Variants in MCM10 observed in about 807,000 individuals in gnomAD.
The protein encoded by MCM10 is protein MCM10 homolog.
In MCM10, 91 loss-of-function variants were observed where a neutral mutation model predicts 109.9. The observed-to-expected ratio is 0.83, with a 90% CI of 0.70 to 0.99. The LOEUF is 0.99. Among genes scored for constraint, MCM10 ranks in the 50% least tolerant of loss-of-function variants. The pLI is 0.00. For missense variants in MCM10, 1,077 were observed against 1,061.2 expected (o/e 1.01, Z -0.21); for synonymous variants, 380 against 387.2 (o/e 0.98, Z 0.22).
rs550455956 is a variant in MCM10, at chr10:13,201,214, CTCGTT to C, written c.2239-204_2239-200del. Among the ~76,000 whole-genome samples, 19 of 152,268 alleles carry C rather than the reference CTCGTT, an allele frequency of 1.2e-4. No homozygotes were observed. In the South Asian group the frequency reaches 3.9e-3, roughly 32 times the overall value. ...TCCCTTTGTTTTTGCATATTAAGAG[CTCGTT>C]TCTATGCATCATCATCTTTTGCTTT... On this transcript the variant is annotated intron_variant, in intron 16 of 19. Transcript: ENST00000378714.
intron 15 of MCM10, among the ~76,000 whole-genome samples, chr10:13,198,014 G>C (rs575910967): frequency 6.6e-6 from 1 of 151,662 alleles, no homozygotes; most frequent in East Asian, 1.9e-4. Flanking sequence ...CTGGGTTCAA[G>C]CGATCCTCCT....
intron 8 of MCM10, among the ~76,000 whole-genome samples, chr10:13,184,933 C>T (rs990925298): frequency 2.0e-5 from 3 of 152,154 alleles, no homozygotes; most frequent in Non-Finnish European, 4.4e-5. Flanking sequence ...CTACTATTTC[C>T]AGATCTGGTA....
Position 13,204,261 on chromosome 10 carries a change from G to A in MCM10, c.2395G>A (p.Glu799Lys), listed in dbSNP as rs146712133. ...CAAGCTGCTGGAGACCTGCGTCAGT[G>A]AGCAGCATGAATACCACTGGCATGA... ...HFKLLETCVS[E>K]QHEYHWHDGV... Residue 799 changes from glutamate (E) to lysine (K), a missense_variant, in exon 18 of 20, where the codon GAG (glutamate) becomes AAG (lysine). Glu to Lys is a moderately conservative substitution (Grantham distance 56). Coordinates refer to ENST00000378714, the MANE Select transcript of MCM10 (RefSeq NM_018518.5). 30 of 1,614,184 alleles carry A rather than the reference G, an allele frequency of 1.9e-5. No homozygotes were observed. The highest frequency in any genetic ancestry group is 3.3e-4 in the Middle Eastern group (2 of 6,062).
chr10:13,195,361 C>A, intron 14 of MCM10, 92 bp downstream of exon 14: 2 of 922,942 alleles, frequency 2.2e-6, no homozygotes, highest in East Asian at 2.7e-5. Flanking sequence ...CTTTATTGAT[C>A]GTGATCATTA....
Position 13,194,182 on chromosome 10 carries a change from G to A in MCM10, c.1746-859G>A, listed in dbSNP as rs148719397. Reference sequence around the variant, plus strand: ...AGTTTGAGACCAACCTGAGCAAAATGGCGAAATCCTGTCTCTACAAACAGT... The same window carrying A: ...AGTTTGAGACCAACCTGAGCAAAATAGCGAAATCCTGTCTCTACAAACAGT... On this transcript the variant is annotated intron_variant, in intron 13 of 19. Coordinates refer to ENST00000378714, the MANE Select transcript of MCM10 (RefSeq NM_018518.5). Among the ~76,000 whole-genome samples, 446 of 152,230 alleles carry A rather than the reference G, an allele frequency of 2.9e-3. 1 individual carries two copies. The highest frequency in any genetic ancestry group is 0.01 in the African/African-American group (428 of 41,540).
intron 14 of MCM10, among the ~76,000 whole-genome samples, chr10:13,196,301 C>A (rs1292492981): frequency 6.6e-6 from 1 of 152,130 alleles, no homozygotes; most frequent in African/African-American, 2.4e-5. Flanking sequence ...GCACCCAGAG[C>A]CCCACCTGCC....
rs558880000 is a variant in MCM10, at chr10:13,200,027, C to A, written c.2238+1220C>A. Among the ~76,000 whole-genome samples the A allele has an allele frequency of 6.6e-5, 10 of 152,068 alleles. No individual in the cohort carries two copies. In the East Asian group the frequency reaches 1.9e-3, roughly 29 times the overall value. ...TTTGAGACAAGGTCTTTTTCTGTCC[C>A]CCATCAGGGCTCACTGCAGCCTCGA... On this transcript the variant is annotated intron_variant, in intron 16 of 19. Transcript: ENST00000378714.
chr10:13,195,972 T>C (rs1834415780), intron 14 of MCM10, among the ~76,000 whole-genome samples: 1 of 152,096 alleles, frequency 6.6e-6, no homozygotes, highest in South Asian at 2.1e-4. Context: ...GGTGCAATTA[T>C]GGTTCACTGC....
chr10:13,196,524 A>T (rs1053532088), intron 14 of MCM10, among the ~76,000 whole-genome samples: 14 of 151,780 alleles, frequency 9.2e-5, no homozygotes, highest in African/African-American at 2.9e-4. Context: ...TTATATATAT[A>T]TTTTTTGAGA....
In MCM10 at chr10:13,192,561, C is replaced by T. The variant is rs777801500; in HGVS notation, c.1738C>T (p.Gln580Ter). ...EMRRRKSEEI[Q>*]KRFLQSSSEV... is the part of the protein sequence containing the mutation. Reference sequence around the variant, plus strand: ...GAGGAGAAGGAAATCAGAAGAAATACAGAAGCGGTAAGAGGAGCAGATTTA... The same window carrying T: ...GAGGAGAAGGAAATCAGAAGAAATATAGAAGCGGTAAGAGGAGCAGATTTA... The change falls in exon 13 of 20, where the codon CAG (glutamine) becomes TAG (stop). Residue 580 changes from glutamine to a stop codon, truncating the protein, a stop_gained. Coordinates refer to ENST00000378714, the MANE Select transcript of MCM10 (RefSeq NM_018518.5). LOFTEE classifies it high-confidence loss of function. The T allele has an allele frequency of 6.2e-7, 1 of 1,613,966 alleles. No homozygotes were observed. Among genetic ancestry groups the T allele is most frequent in the Non-Finnish European group, 8.5e-7 (1 of 1,179,824 alleles).
intron 17 of MCM10, 68 bp downstream of exon 17, chr10:13,201,602 T>G: frequency 8.6e-7 from 1 of 1,157,566 alleles, no homozygotes; most frequent in Non-Finnish European, 1.3e-6. Flanking sequence ...CGGCAGCATG[T>G]GGAGAACCTG....
chr10:13,166,049 A>T (rs975677623), intron 2 of MCM10, among the ~76,000 whole-genome samples: 6 of 152,068 alleles, frequency 3.9e-5, no homozygotes, highest in Non-Finnish European at 1.5e-5. Flanking sequence ...GAGAAAGATA[A>T]CAAAACAATA....
At position 13,182,032 on chromosome 10, in the gene MCM10, G is replaced by A. The variant is rs993527695; in HGVS notation, c.931-901G>A. ...AGTGGAGGTTTTTCACATTATAATC[G>A]GTCAGCATTTTGAGCTGTATTTCTT... On this transcript the variant is annotated intron_variant, in intron 7 of 19. Coordinates refer to ENST00000378714, the MANE Select transcript of MCM10 (RefSeq NM_018518.5). The surrounding 1 kb of genome is among the most constrained non-coding windows in gnomAD (Gnocchi z 4.2). Among the ~76,000 whole-genome samples, 1 of 152,036 alleles carries A rather than the reference G, an allele frequency of 6.6e-6. No individual in the cohort carries two copies. The highest frequency in any genetic ancestry group is 1.5e-5 in the Non-Finnish European group (1 of 68,014).
chr10:13,185,039 G>A (rs1834256565), intron 8 of MCM10, among the ~76,000 whole-genome samples: 1 of 152,166 alleles, frequency 6.6e-6, no homozygotes, highest in Non-Finnish European at 1.5e-5. Context: ...CCTGCCTACA[G>A]GAGTATGCAT....
rs1834642757 is a variant in MCM10, at chr10:13,210,265, G to C, written c.*955G>C. The stretch of plus-strand genomic sequence containing the variant: ...AGATGGGGTTTTGCCATGTTGCTCA[G>C]GCTGGTCTCAAACTCCTGAGCACTA... On this transcript the variant is annotated 3_prime_UTR_variant, in exon 20 of 20. Coordinates refer to ENST00000378714, the MANE Select transcript of MCM10 (RefSeq NM_018518.5). 6.6e-6 allele frequency: 1 copy of C among 150,786 alleles called. No homozygotes were observed. Among genetic ancestry groups the C allele is most frequent in the Non-Finnish European group, 1.5e-5 (1 of 67,922 alleles). The allele number at this position is 150,786 out of a possible 1,614,324, so 9.3% of individuals were successfully genotyped here. A position where few individuals can be genotyped will look rare whatever the true frequency, so the allele number is the denominator to read the frequency against.
intron 2 of MCM10, among the ~76,000 whole-genome samples, chr10:13,166,653 C>CATATATATATAT (rs1355743693): frequency 5.9e-4 from 27 of 45,528 alleles, no homozygotes; most frequent in African/African-American, 1.8e-3. Flanking sequence ...AAAAAAAATA[C>CATATATATATAT]ATACATACAT....
At chr10:13,195,440 A>C in intron 14 of MCM10, 171 bp downstream of exon 14, 16 of 565,868 alleles carry the variant, frequency 2.8e-5, no homozygotes, top group Non-Finnish European at 3.7e-5. Flanking sequence ...CTGTTATCTC[A>C]ACACTTTTTC....
chr10:13,191,672 G>A (rs1277112594), intron 11 of MCM10, among the ~76,000 whole-genome samples: 6 of 152,114 alleles, frequency 3.9e-5, no homozygotes, highest in Admixed American at 2.0e-4. Flanking sequence ...AGTGAGTGGC[G>A]CGGTCTAACC....
chr10:13,189,157 T>C, intron 10 of MCM10, 77 bp downstream of exon 10: 1 of 1,442,088 alleles, frequency 6.9e-7, no homozygotes, highest in South Asian at 1.2e-5. Flanking sequence ...TACCTTCCTG[T>C]AACCGTCATA....
Sources: allele counts gnomAD v4.1 joint callset (sites outside exome capture counted in the v4.1 genomes callset), GRCh38; gene constraint gnomAD v4.1.1; non-coding constraint Gnocchi (gnomAD v3.1); transcripts MANE v1.5; gene names NCBI Gene and HGNC (gene_info 2026-07-23, HGNC 2026-07-21).